The following PPFIA2 variants were observed in gnomAD, a reference collection of about 807,000 sequenced individuals.
PPFIA2 encodes PPFI scaffold protein A2.
In PPFIA2, 46 loss-of-function variants were observed where a neutral mutation model predicts 175.5. The observed-to-expected ratio is 0.26, with a 90% CI of 0.21 to 0.34. The LOEUF (loss-of-function observed/expected upper bound fraction) is 0.34. PPFIA2 is among the 10% of genes least tolerant of loss of function. The pLI is 1.00. For synonymous variants in PPFIA2, 568 were observed against 511.4 expected, an observed-to-expected ratio of 1.11 and a Z score of -1.49; for missense variants, 1,179 against 1,506.1, an observed-to-expected ratio of 0.78 and a Z score of 3.60.
At chr12:81,509,055 G>C (rs1379833888) in intron 4 of PPFIA2, among the ~76,000 whole-genome samples, 1 of 152,014 alleles carries the variant, frequency 6.6e-6, no homozygotes, top group Admixed American at 6.6e-5. Flanking sequence ...CCTTTGTAGG[G>C]ACATGGATGA....
chr12:81,385,454 CTAAG>C (rs1254266072), intron 8 of PPFIA2, among the ~76,000 whole-genome samples: 9 of 152,244 alleles, frequency 5.9e-5, no homozygotes, highest in East Asian at 3.9e-4. Context: ...ATCAACCTAA[CTAAG>C]TGTCTATCAA....
At chr12:81,411,516 C>A (rs2043966384) in intron 7 of PPFIA2, among the ~76,000 whole-genome samples, 1 of 152,082 alleles carries the variant, frequency 6.6e-6, no homozygotes, top group Admixed American at 6.6e-5. Context: ...CAAGCTCTGA[C>A]CCTACACAAT....
intron 22 of PPFIA2, among the ~76,000 whole-genome samples, chr12:81,307,761 T>C (rs1328240416): frequency 3.9e-5 from 6 of 152,148 alleles, no homozygotes; most frequent in African/African-American, 1.4e-4. Flanking sequence ...AGGCCAAATA[T>C]CTTACACAAA....
At chr12:81,262,817 G>A (rs2036060894) in intron 31 of PPFIA2, among the ~76,000 whole-genome samples, 1 of 152,118 alleles carries the variant, frequency 6.6e-6, no homozygotes, top group South Asian at 2.1e-4. Context: ...TTTCTAAGAT[G>A]ACATATAAAA....
chr12:81,374,666 C>T lies in PPFIA2; in HGVS notation c.1234G>A (p.Glu412Lys), dbSNP rs921218853. The T allele has an allele frequency of 3.1e-6, 5 of 1,613,340 alleles. No individual in the cohort carries two copies. The highest frequency in any genetic ancestry group is 4.2e-6 in the Non-Finnish European group (5 of 1,179,516). The change falls in exon 11 of 33, where the codon GAA (glutamate) becomes AAA (lysine). Residue 412 changes from glutamate to lysine, a missense_variant. Glu to Lys is a moderately conservative substitution (Grantham distance 56). Transcript: ENST00000549396. ...KAETLPEVEA[E>K]LAQRIAALTK... Reference sequence around the variant, plus strand: ...AGGGCTGCAATTCTCTGAGCCAGTTCAGCCTCTACTTCAGGCAAGGTTTCA... The same window carrying T: ...AGGGCTGCAATTCTCTGAGCCAGTTTAGCCTCTACTTCAGGCAAGGTTTCA...
At chr12:81,601,458 C>T (rs1178724512) in intron 4 of PPFIA2, among the ~76,000 whole-genome samples, 1 of 151,934 alleles carries the variant, frequency 6.6e-6, no homozygotes, top group African/African-American at 2.4e-5. Flanking sequence ...TCCCATCATT[C>T]TCATTCTGAA....
In PPFIA2 at chr12:81,371,495, T is replaced by A. The variant is rs549006593; in HGVS notation, c.1267-2301A>T. On this transcript the variant is annotated intron_variant, in intron 11 of 32. Coordinates refer to ENST00000549396, the MANE Select transcript of PPFIA2 (RefSeq NM_003625.5). ...GCTGCCAAAACTGTGTCTTCAAAAA[T>A]ACAAGTTTTTAGAGGTCTTTAAAAC... 2.6e-5 allele frequency among the ~76,000 whole-genome samples: 4 copies of A among 151,660 alleles called. No individual in the cohort carries two copies. In the East Asian group the frequency reaches 7.7e-4, roughly 29 times the overall value.
rs1382075107 is a variant in PPFIA2 at position 81,277,299 on chromosome 12, G to T, written c.3310+18C>A. On this transcript the variant is annotated intron_variant, in intron 28 of 32. Transcript: ENST00000549396. ...ACCCCAGAATAAAGGCATTTCATAT[G>T]AAAGAAAGATATATTACCTTTTATT... The T allele has an allele frequency of 1.3e-6, 2 of 1,520,780 alleles. No individual in the cohort carries two copies. The highest frequency in any genetic ancestry group is 1.3e-5 in the South Asian group (1 of 77,960). The allele number at this position is 1,520,780 out of a possible 1,614,324, so 94.2% of individuals were successfully genotyped here. A position where few individuals can be genotyped will look rare whatever the true frequency, so the allele number is the denominator to read the frequency against.
intron 4 of PPFIA2, among the ~76,000 whole-genome samples, chr12:81,460,941 G>T (rs190070423): frequency 1.7e-4 from 26 of 152,158 alleles, no homozygotes; most frequent in Non-Finnish European, 1.0e-4. Flanking sequence ...CTCATACTGG[G>T]TGATTACGAT....
chr12:81,510,730 T>A (rs186109084), intron 4 of PPFIA2, among the ~76,000 whole-genome samples: 4 of 152,204 alleles, frequency 2.6e-5, no homozygotes, highest in East Asian at 1.9e-4. Flanking sequence ...TAACTGTTTT[T>A]TAAAAAATTA....
chr12:81,540,558 G>A (rs1302425435), intron 4 of PPFIA2, among the ~76,000 whole-genome samples: 3 of 151,942 alleles, frequency 2.0e-5, no homozygotes, highest in African/African-American at 4.8e-5. Flanking sequence ...GAAACTTTAG[G>A]ACAGGGAGAA....
Position 81,682,284 on chromosome 12 carries a change from A to AT in PPFIA2, c.250-5441dup, listed in dbSNP as rs570167300. ...ATGAGAACACAAGAAGAAGGCAGCA[A>AT]TTTCTAAGCCATGGAGAGCACCCTC... is the stretch of plus-strand genomic sequence containing the variant. On this transcript the variant is annotated intron_variant, in intron 3 of 32. Transcript: ENST00000549396. 1.1e-3 allele frequency among the ~76,000 whole-genome samples: 169 copies of AT among 152,154 alleles called. 1 individual carries two copies. Among genetic ancestry groups the AT allele is most frequent in the African/African-American group, 3.9e-3 (163 of 41,552 alleles).
intron 4 of PPFIA2, among the ~76,000 whole-genome samples, chr12:81,674,565 G>C (rs1160987048): frequency 1.3e-5 from 2 of 152,024 alleles, no homozygotes; most frequent in Non-Finnish European, 2.9e-5. Flanking sequence ...CTACTCGCTA[G>C]GCTGAAGCAG....
intron 7 of PPFIA2, among the ~76,000 whole-genome samples, chr12:81,433,493 A>C (rs1195530740): frequency 6.6e-6 from 1 of 152,176 alleles, no homozygotes; most frequent in Non-Finnish European, 1.5e-5. Context: ...AATTTACTTA[A>C]TACCTCATTT....
chr12:81,337,251 A>G (rs1595032692), intron 21 of PPFIA2, among the ~76,000 whole-genome samples: 2 of 152,096 alleles, frequency 1.3e-5, no homozygotes, highest in South Asian at 4.1e-4. Flanking sequence ...TTCCTCATCC[A>G]TATTGCAGTC....
chr12:81,343,094 A>C (rs889370403), intron 19 of PPFIA2, among the ~76,000 whole-genome samples: 1 of 152,062 alleles, frequency 6.6e-6, no homozygotes, highest in African/African-American at 2.4e-5. Context: ...TACCTGCTCT[A>C]ATATTACATT....
At chr12:81,303,227 T>C (rs550380908) in intron 22 of PPFIA2, among the ~76,000 whole-genome samples, 4 of 152,312 alleles carry the variant, frequency 2.6e-5, no homozygotes, top group South Asian at 2.1e-4. Flanking sequence ...AATTTAACTA[T>C]GAAAATTACT....
chr12:81,659,694 T>A (rs974911552), intron 4 of PPFIA2, among the ~76,000 whole-genome samples: 3 of 152,150 alleles, frequency 2.0e-5, no homozygotes, highest in African/African-American at 7.2e-5. Context: ...GTCTGACAGC[T>A]TGGAAGACAG....
chr12:81,710,306 TCACA>T (rs10555208), intron 3 of PPFIA2, among the ~76,000 whole-genome samples: 2 of 151,388 alleles, frequency 1.3e-5, no homozygotes, highest in African/African-American at 2.4e-5. Flanking sequence ...ACACTCTCTC[TCACA>T]CACACACACA....
Sources: gnomAD v4.1 joint callset for allele counts (sites outside exome capture counted in the v4.1 genomes callset) on GRCh38, gnomAD v4.1.1 for gene constraint, MANE v1.5 for transcripts, NCBI Gene and HGNC (gene_info 2026-07-23, HGNC 2026-07-21) for gene names.